Variants in ADAMTSL1 observed in about 807,000 individuals in gnomAD.
ADAMTSL1 encodes ADAMTS like 1.
A neutral mutation model predicts 201.8 loss-of-function variants in ADAMTSL1; 126 were observed. That is an observed-to-expected ratio of 0.62 (90% CI 0.54 to 0.72). The LOEUF (loss-of-function observed/expected upper bound fraction) is 0.72. Among genes scored for constraint, ADAMTSL1 ranks in the 30% least tolerant of loss-of-function variants. The pLI, the probability that ADAMTSL1 is intolerant of heterozygous loss-of-function variation, is 0.00. For missense variants in ADAMTSL1, 2,679 were observed against 2,277.8 expected, an observed-to-expected ratio of 1.18 and a Z score of -3.59; for synonymous variants, 1,121 against 903.4, an observed-to-expected ratio of 1.24 and a Z score of -4.32.
At chr9:18,685,233 C>T in intron 13 of ADAMTSL1, among the ~76,000 whole-genome samples, 1 of 152,238 alleles carries the variant, frequency 6.6e-6, no homozygotes, top group East Asian at 1.9e-4. Context: ...AGTTCATTAA[C>T]TTTTCTTTTC....
rs1211485612 is a variant in ADAMTSL1, at chr9:18,657,739, C to T, written c.935C>T (p.Thr312Ile). 1 of 1,613,172 alleles carries T rather than the reference C, an allele frequency of 6.2e-7. No homozygotes were observed. Among genetic ancestry groups the T allele is most frequent in the Non-Finnish European group, 8.5e-7 (1 of 1,179,146 alleles). ...ACGGATTTCTTTCCTTGCTCAGCAA[C>T]CTGTGGAGGAGGTAATGGTGTTCAC... The part of the protein sequence containing the change: ...RETDFFPCSA[T>I]CGGGYQLTSA... Residue 312 changes from threonine (T) to isoleucine (I), a missense_variant, in exon 8 of 29, where the codon ACC (threonine) becomes ATC (isoleucine). Coordinates refer to ENST00000380548, the MANE Select transcript of ADAMTSL1 (RefSeq NM_001040272.6).
At chr9:18,455,949 C>CA (rs1046088057) in intron 2 of ADAMTSL1, among the ~76,000 whole-genome samples, 2 of 152,040 alleles carry the variant, frequency 1.3e-5, no homozygotes, top group African/African-American at 4.8e-5. Flanking sequence ...CTTTCTAATC[C>CA]AAAAATTCTT....
At chr9:18,039,302 A>T (rs1163029452) in intron 1 of ADAMTSL1, among the ~76,000 whole-genome samples, 1 of 152,184 alleles carries the variant, frequency 6.6e-6, no homozygotes, top group Admixed American at 6.5e-5. Context: ...GGAAAATGTC[A>T]TCTTTTGGAA....
At chr9:18,552,613 A>G (rs1036923755) in intron 3 of ADAMTSL1, among the ~76,000 whole-genome samples, 2 of 151,718 alleles carry the variant, frequency 1.3e-5, no homozygotes, top group Non-Finnish European at 3.0e-5. Flanking sequence ...TTTTTAAAAT[A>G]CTTGAGAGAA....
chr9:18,889,824 C>A (rs966053250), intron 25 of ADAMTSL1, 76 bp downstream of exon 25: 25 of 1,366,032 alleles, frequency 1.8e-5, no homozygotes, highest in Non-Finnish European at 2.3e-5. Flanking sequence ...CAGTGGCCAG[C>A]CCTTCAGTAG....
At chr9:18,893,422 G>A (rs1009432802) in intron 26 of ADAMTSL1, among the ~76,000 whole-genome samples, 2 of 152,132 alleles carry the variant, frequency 1.3e-5, no homozygotes, top group East Asian at 3.9e-4. Context: ...CTCCCTTTCT[G>A]CATTCCTTCC....
intron 2 of ADAMTSL1, among the ~76,000 whole-genome samples, chr9:18,191,535 G>C (rs1351762265): frequency 6.6e-6 from 1 of 152,102 alleles, no homozygotes; most frequent in African/African-American, 2.4e-5. Context: ...CTGTTACCTT[G>C]GACAGGACCT....
chr9:18,797,658 A>T (rs189200955), intron 20 of ADAMTSL1, among the ~76,000 whole-genome samples: 137 of 152,274 alleles, frequency 9.0e-4, no homozygotes, highest in Non-Finnish European at 1.7e-3. Flanking sequence ...ATTGCCAGTT[A>T]TACTCCTTAT....
chr9:18,818,566 C>A (rs1005991969), intron 21 of ADAMTSL1, among the ~76,000 whole-genome samples: 7 of 152,042 alleles, frequency 4.6e-5, no homozygotes, highest in African/African-American at 1.7e-4. Context: ...CTGAGGTGGG[C>A]AGATTACTTG....
chr9:18,085,113 G>A (rs1262449082), intron 1 of ADAMTSL1, among the ~76,000 whole-genome samples: 1 of 152,098 alleles, frequency 6.6e-6, no homozygotes, highest in Admixed American at 6.6e-5. Context: ...TGATGAGACT[G>A]GAGTGGACTG....
intron 15 of ADAMTSL1, among the ~76,000 whole-genome samples, chr9:18,750,795 T>C (rs1819427572): frequency 6.6e-6 from 1 of 152,214 alleles, no homozygotes; most frequent in Non-Finnish European, 1.5e-5. Context: ...GTTGCAGTTA[T>C]CTAAAGGCAA....
intron 3 of ADAMTSL1, among the ~76,000 whole-genome samples, chr9:18,560,940 T>TAA (rs60568983): frequency 4.0e-4 from 58 of 145,534 alleles, no homozygotes; most frequent in African/African-American, 1.4e-3. Context: ...CGTTAATCTT[T>TAA]AAAAAAAAAA....
intron 7 of ADAMTSL1, among the ~76,000 whole-genome samples, chr9:18,656,501 C>A (rs1376586984): frequency 1.3e-5 from 2 of 151,670 alleles, no homozygotes; most frequent in Non-Finnish European, 2.9e-5. Context: ...TGGTGGCAGG[C>A]GTCTGTAGTC....
chr9:17,933,827 C>T (rs534277175), intron 1 of ADAMTSL1, among the ~76,000 whole-genome samples: 1 of 152,238 alleles, frequency 6.6e-6, no homozygotes, highest in African/African-American at 2.4e-5. Context: ...CGCCTCCCAC[C>T]AGGCCCCTCT....
intron 2 of ADAMTSL1, among the ~76,000 whole-genome samples, chr9:18,241,669 C>G (rs553345185): frequency 6.6e-6 from 1 of 151,612 alleles, no homozygotes; most frequent in African/African-American, 2.4e-5. Context: ...CAAATGAAAT[C>G]AAAAATGAAA....
At chr9:18,089,897 T>C (rs952238998) in intron 1 of ADAMTSL1, among the ~76,000 whole-genome samples, 3 of 152,162 alleles carry the variant, frequency 2.0e-5, no homozygotes, top group Non-Finnish European at 4.4e-5. Context: ...TAAGGGTAGA[T>C]CTGTTAAAAG....
At chr9:18,584,347 C>A (rs1801797828) in intron 4 of ADAMTSL1, among the ~76,000 whole-genome samples, 2 of 149,208 alleles carry the variant, frequency 1.3e-5, no homozygotes, top group African/African-American at 2.5e-5. Context: ...GTCCCTGTCA[C>A]CTTCTGCCAT....
At chr9:18,189,744 T>G (rs910876052) in intron 2 of ADAMTSL1, among the ~76,000 whole-genome samples, 1 of 152,116 alleles carries the variant, frequency 6.6e-6, no homozygotes, top group Admixed American at 6.6e-5. Context: ...TCCACTCTAT[T>G]ATAGAACTGT....
intron 2 of ADAMTSL1, among the ~76,000 whole-genome samples, chr9:18,214,653 T>G (rs927196370): frequency 6.6e-6 from 1 of 152,228 alleles, no homozygotes; most frequent in East Asian, 1.9e-4. Context: ...TCCATGGTCA[T>G]TTAATGTGAA....
Sources: gnomAD v4.1 joint callset for allele counts (sites outside exome capture counted in the v4.1 genomes callset) on GRCh38, gnomAD v4.1.1 for gene constraint, MANE v1.5 for transcripts, NCBI Gene and HGNC (gene_info 2026-07-23, HGNC 2026-07-21) for gene names.